The following NRXN3 variants were observed in gnomAD, a reference collection of about 807,000 sequenced individuals.
NRXN3 encodes neurexin 3.
In NRXN3, 32 loss-of-function variants were observed where a neutral mutation model predicts 137.6. That is an observed-to-expected ratio of 0.23 (90% CI 0.18 to 0.31). NRXN3 has a LOEUF of 0.31. Among genes scored for constraint, NRXN3 ranks in the 10% least tolerant of loss-of-function variants. The pLI, the probability that NRXN3 is intolerant of heterozygous loss-of-function variation, is 1.00. For synonymous variants in NRXN3, 798 were observed against 784.5 expected (o/e 1.02, Z -0.29); for missense variants, 1,574 against 2,062.5 (o/e 0.76, Z 4.59).
intron 16 of NRXN3, among the ~76,000 whole-genome samples, chr14:79,520,564 T>C (rs1438446163): frequency 6.6e-6 from 1 of 152,204 alleles, no homozygotes; most frequent in Non-Finnish European, 1.5e-5. Flanking sequence ...CCTGTGTTAG[T>C]TTGCTGAGAA....
intron 15 of NRXN3, among the ~76,000 whole-genome samples, chr14:79,132,097 G>T (rs2057601190): frequency 6.6e-6 from 1 of 152,238 alleles, no homozygotes; most frequent in South Asian, 2.1e-4. Context: ...CTAGTGAGAT[G>T]AACCTGGTAC....
intron 15 of NRXN3, among the ~76,000 whole-genome samples, chr14:79,409,175 A>G (rs1599851484): frequency 6.6e-6 from 1 of 152,054 alleles, no homozygotes; most frequent in African/African-American, 2.4e-5. Flanking sequence ...CTAAGGCAAG[A>G]TAACACATTT....
intron 15 of NRXN3, among the ~76,000 whole-genome samples, chr14:79,228,221 G>A: frequency 6.6e-6 from 1 of 152,072 alleles, no homozygotes; most frequent in South Asian, 2.1e-4. Flanking sequence ...TAGCCATGTA[G>A]CTTATCCCTT....
intron 10 of NRXN3, among the ~76,000 whole-genome samples, chr14:78,821,601 T>G (rs1290490990): frequency 6.6e-6 from 1 of 151,880 alleles, no homozygotes. Context: ...GTATTCACAA[T>G]GGAGCAACAC....
At chr14:78,343,117 C>G (rs1233005641) in intron 4 of NRXN3, among the ~76,000 whole-genome samples, 1 of 152,098 alleles carries the variant, frequency 6.6e-6, no homozygotes, top group Non-Finnish European at 1.5e-5. Context: ...GTCCAACAAT[C>G]TGTTGCATGG....
chr14:78,218,929 T>C (rs1429369859), intron 1 of NRXN3, among the ~76,000 whole-genome samples: 8 of 152,190 alleles, frequency 5.3e-5, no homozygotes, highest in African/African-American at 1.7e-4. Flanking sequence ...CAGGACTGGT[T>C]TCTTCTGAGG....
At chr14:78,926,744 TTATATATTA>T (rs1241300555) in intron 10 of NRXN3, among the ~76,000 whole-genome samples, 15 of 60,892 alleles carry the variant, frequency 2.5e-4, no homozygotes, top group African/African-American at 1.1e-3. Context: ...AAAATATATA[TTATATATTA>T]TATATATATT....
intron 2 of NRXN3, among the ~76,000 whole-genome samples, chr14:78,264,850 G>A (rs2071420404): frequency 6.6e-6 from 1 of 152,170 alleles, no homozygotes. Context: ...ACCCATCTCT[G>A]CCCTTTCTAA....
chr14:79,316,729 CCTCTCT>C lies in NRXN3; in HGVS notation c.3263-150463_3263-150458del, dbSNP rs35515937. Among the ~76,000 whole-genome samples the C allele has an allele frequency of 1.9e-3, 262 of 137,952 alleles. 1 individual carries two copies. Among genetic ancestry groups the C allele is most frequent in the African/African-American group, 4.1e-3 (147 of 35,874 alleles). The allele number at this position is 137,952 out of a possible 152,430, so 90.5% of individuals were successfully genotyped here. ...TTATCATCATGTAATCTGTCCTGTC[CCTCTCT>C]CTCTCTCTCTCTCTCTCTCTCTCTC... On this transcript the variant is annotated intron_variant, in intron 15 of 20. Coordinates refer to ENST00000335750, the MANE Select transcript of NRXN3 (RefSeq NM_001330195.2).
intron 8 of NRXN3, among the ~76,000 whole-genome samples, chr14:78,782,297 C>T (rs190558966): frequency 1.3e-5 from 2 of 152,316 alleles, no homozygotes; most frequent in Admixed American, 6.5e-5. Context: ...TTAACATTTA[C>T]CTTTCATTAA....
At chr14:79,383,518 A>G (rs907879465) in intron 15 of NRXN3, among the ~76,000 whole-genome samples, 1 of 152,184 alleles carries the variant, frequency 6.6e-6, no homozygotes, top group Non-Finnish European at 1.5e-5. Flanking sequence ...TAGCTTGTAA[A>G]TTCCAAGAAA....
chr14:78,577,324 A>G (rs1600740944), intron 4 of NRXN3, among the ~76,000 whole-genome samples: 1 of 152,208 alleles, frequency 6.6e-6, no homozygotes, highest in African/African-American at 2.4e-5. Context: ...ATCCAATCTC[A>G]TTTTTATACA....
intron 10 of NRXN3, among the ~76,000 whole-genome samples, chr14:78,947,607 A>G (rs1021157915): frequency 2.0e-5 from 3 of 152,210 alleles, no homozygotes; most frequent in African/African-American, 7.2e-5. Flanking sequence ...AAATTAACAA[A>G]TTAGAGTTCC....
chr14:79,388,143 C>A (rs560094818), intron 15 of NRXN3, among the ~76,000 whole-genome samples: 19 of 151,898 alleles, frequency 1.3e-4, no homozygotes, highest in African/African-American at 3.6e-4. Flanking sequence ...TGTGTGGCGT[C>A]TTCCCCCTTA....
At chr14:79,671,078 C>T (rs1416026208) in intron 17 of NRXN3, among the ~76,000 whole-genome samples, 43 of 152,128 alleles carry the variant, frequency 2.8e-4, no homozygotes, top group Non-Finnish European at 7.4e-5. Context: ...CTGCCATTTG[C>T]CGAACATTTA....
intron 16 of NRXN3, among the ~76,000 whole-genome samples, chr14:79,575,054 C>T (rs1023109783): frequency 6.6e-6 from 1 of 152,080 alleles, no homozygotes; most frequent in African/African-American, 2.4e-5. Flanking sequence ...ATTTGAGGAT[C>T]TTATACTTTT....
intron 15 of NRXN3, among the ~76,000 whole-genome samples, chr14:79,356,287 T>TGG (rs1355138848): frequency 6.6e-6 from 1 of 152,106 alleles, no homozygotes; most frequent in African/African-American, 2.4e-5. Context: ...GGAGTATGTG[T>TGG]GGGGGTGTGT....
intron 15 of NRXN3, among the ~76,000 whole-genome samples, chr14:79,132,717 A>T (rs1244197830): frequency 6.6e-6 from 1 of 152,260 alleles, no homozygotes; most frequent in Admixed American, 6.5e-5. Context: ...CCAGGTGCTA[A>T]TAGTCACAGG....
chr14:79,663,998 TCA>T, intron 17 of NRXN3, 49 bp downstream of exon 17: 1 of 1,585,336 alleles, frequency 6.3e-7, no homozygotes, highest in East Asian at 2.3e-5. Flanking sequence ...TCTCCCATTC[TCA>T]CTTTTCAGTG....
Sources: gnomAD v4.1 joint callset for allele counts (sites outside exome capture counted in the v4.1 genomes callset) on GRCh38, gnomAD v4.1.1 for gene constraint, MANE v1.5 for transcripts, NCBI Gene and HGNC (gene_info 2026-07-23, HGNC 2026-07-21) for gene names.